PRKCA: variants seen among roughly 807,000 people sequenced by gnomAD.
PRKCA encodes the protein protein kinase C alpha.
A neutral mutation model predicts 87.0 loss-of-function variants in PRKCA; 27 were observed. That is an observed-to-expected ratio of 0.31 (90% confidence interval 0.23 to 0.43). PRKCA has a LOEUF of 0.43. PRKCA is among the 20% of genes least tolerant of loss of function. The probability of loss-of-function intolerance (pLI) is 1.00; values close to 1 mark genes in which losing one functional copy is unlikely to be tolerated. For missense variants in PRKCA, 518 were observed against 852.3 expected (o/e 0.61, Z 4.88); for synonymous variants, 329 against 311.1 (o/e 1.06, Z -0.61).
chr17:66,342,421 C>CA lies in PRKCA; in HGVS notation c.205+36302dup, dbSNP rs1383795495. Among the ~76,000 whole-genome samples, 163 of 135,564 alleles carry CA rather than the reference C, an allele frequency of 1.2e-3. 1 individual carries two copies. The highest frequency in any genetic ancestry group is 2.1e-3 in the Non-Finnish European group (132 of 63,860). The allele number at this position is 135,564 out of a possible 152,430, so 88.9% of individuals were successfully genotyped here. ...TGAGCAGCAGAGTGAGACTCCATCT[C>CA]AAAAAAAATAAAATAAAATAAATAA... On this transcript the variant is annotated intron_variant, in intron 2 of 16. Coordinates refer to ENST00000413366, the MANE Select transcript of PRKCA (RefSeq NM_002737.3).
At chr17:66,681,132 C>T (rs968282352) in intron 5 of PRKCA, among the ~76,000 whole-genome samples, 2 of 152,024 alleles carry the variant, frequency 1.3e-5, no homozygotes, top group Admixed American at 6.6e-5. Context: ...AGGAGGCTGA[C>T]GCAGGAGACT....
intron 9 of PRKCA, among the ~76,000 whole-genome samples, chr17:66,734,049 CTTGT>C (rs752757245): frequency 6.6e-5 from 10 of 152,176 alleles, no homozygotes; most frequent in Non-Finnish European, 1.0e-4. Flanking sequence ...AGTGGTTTAT[CTTGT>C]AGCTGTAGGG....
At chr17:66,562,447 C>T (rs1211695535) in intron 3 of PRKCA, among the ~76,000 whole-genome samples, 1 of 151,844 alleles carries the variant, frequency 6.6e-6, no homozygotes, top group Non-Finnish European at 1.5e-5. Context: ...CTCAGGCACC[C>T]TGGAGGACAC....
intron 2 of PRKCA, among the ~76,000 whole-genome samples, chr17:66,338,873 A>G (rs984516117): frequency 2.6e-5 from 4 of 152,218 alleles, no homozygotes; most frequent in African/African-American, 9.6e-5. Flanking sequence ...ACAACATTCA[A>G]CAGGCTATGG....
At chr17:66,476,591 G>A (rs1915545568) in intron 2 of PRKCA, among the ~76,000 whole-genome samples, 1 of 152,170 alleles carries the variant, frequency 6.6e-6, no homozygotes, top group South Asian at 2.1e-4. Flanking sequence ...CCTAGAAGTG[G>A]CCATTGGATT....
At chr17:66,554,441 C>A in intron 3 of PRKCA, 2 of 575,794 alleles carry the variant, frequency 3.5e-6, no homozygotes, top group Non-Finnish European at 4.4e-6. Flanking sequence ...TTCTTGTTCC[C>A]ATTGGGGCCT....
intron 3 of PRKCA, among the ~76,000 whole-genome samples, chr17:66,596,056 C>T (rs1969965997): frequency 2.0e-5 from 3 of 152,254 alleles, no homozygotes; most frequent in Non-Finnish European, 4.4e-5. Context: ...CCCAGGGACC[C>T]CGTTTGCACA....
chr17:66,405,107 C>T (rs1415059234), intron 2 of PRKCA, among the ~76,000 whole-genome samples: 1 of 152,064 alleles, frequency 6.6e-6, no homozygotes, highest in African/African-American at 2.4e-5. Flanking sequence ...GATTTCAGCC[C>T]GCCCCTATCT....
chr17:66,487,607 T>C (rs1195766208), intron 2 of PRKCA, among the ~76,000 whole-genome samples: 2 of 152,220 alleles, frequency 1.3e-5, no homozygotes, highest in East Asian at 3.9e-4. Flanking sequence ...GTGCTTTCTG[T>C]AGTGGCTCTA....
chr17:66,442,323 C>T (rs1913813051), intron 2 of PRKCA, among the ~76,000 whole-genome samples: 1 of 151,856 alleles, frequency 6.6e-6, no homozygotes, highest in Non-Finnish European at 1.5e-5. Context: ...TCCCAAAGTG[C>T]TGGGATTACA....
chr17:66,412,965 G>T (rs1278832867), intron 2 of PRKCA, among the ~76,000 whole-genome samples: 2 of 152,112 alleles, frequency 1.3e-5, no homozygotes, highest in African/African-American at 4.8e-5. Context: ...TACCAGATAT[G>T]TGGAGATTCT....
intron 2 of PRKCA, among the ~76,000 whole-genome samples, chr17:66,428,308 A>G (rs1912921579): frequency 6.6e-6 from 1 of 152,182 alleles, no homozygotes; most frequent in Non-Finnish European, 1.5e-5. Context: ...CAGCACCGAT[A>G]TCGAGCTGTC....
At chr17:66,325,681 G>A (rs1905938268) in intron 2 of PRKCA, among the ~76,000 whole-genome samples, 1 of 152,144 alleles carries the variant, frequency 6.6e-6, no homozygotes, top group Admixed American at 6.5e-5. Flanking sequence ...AGAACAGGGT[G>A]TAGAGAAGAG....
intron 2 of PRKCA, among the ~76,000 whole-genome samples, chr17:66,366,190 A>T (rs1366797866): frequency 6.6e-6 from 1 of 152,200 alleles, no homozygotes; most frequent in African/African-American, 2.4e-5. Context: ...TTAGATGTCA[A>T]CACAGGCGAT....
rs115857286 is a variant in PRKCA, at chr17:66,583,203, T to C, written c.289-58152T>C. The stretch of plus-strand genomic sequence containing the variant: ...GCTAGAGATAGTTGAGGTTCCCGGG[T>C]ATATGATCTCCAGATTAGAGAAGTT... On this transcript the variant is annotated intron_variant, in intron 3 of 16. Transcript: ENST00000413366. Among the ~76,000 whole-genome samples the C allele has an allele frequency of 2.2e-3, 328 of 152,308 alleles. 1 individual carries two copies. Among genetic ancestry groups the C allele is most frequent in the African/African-American group, 7.4e-3 (308 of 41,568 alleles).
chr17:66,754,958 G>T (rs1974515007), intron 13 of PRKCA, among the ~76,000 whole-genome samples: 1 of 152,094 alleles, frequency 6.6e-6, no homozygotes, highest in Non-Finnish European at 1.5e-5. Flanking sequence ...TCACACTGGG[G>T]GTTAGGGCTT....
At chr17:66,435,420 C>T (rs1913327876) in intron 2 of PRKCA, among the ~76,000 whole-genome samples, 6 of 152,174 alleles carry the variant, frequency 3.9e-5, no homozygotes, top group Non-Finnish European at 7.3e-5. Flanking sequence ...GGCGTTTTGT[C>T]GTGTGGGTGT....
intron 2 of PRKCA, among the ~76,000 whole-genome samples, chr17:66,425,784 A>C (rs1346862962): frequency 1.3e-5 from 2 of 152,164 alleles, no homozygotes; most frequent in Admixed American, 6.5e-5. Context: ...TATGTGCGAC[A>C]TGGTAACCCC....
At chr17:66,590,011 C>T (rs560940131) in intron 3 of PRKCA, among the ~76,000 whole-genome samples, 5 of 152,138 alleles carry the variant, frequency 3.3e-5, no homozygotes, top group South Asian at 2.1e-4. Flanking sequence ...AGAGCTCAGG[C>T]GGTAATGCTT....
Sources: allele counts gnomAD v4.1 joint callset (sites outside exome capture counted in the v4.1 genomes callset), GRCh38; gene constraint gnomAD v4.1.1; transcripts MANE v1.5; gene names NCBI Gene and HGNC (gene_info 2026-07-23, HGNC 2026-07-21).